The following ADCY2 variants were observed in gnomAD, a reference collection of about 807,000 sequenced individuals.
ADCY2 encodes the protein adenylate cyclase 2.
ADCY2 carries 31 observed loss-of-function variants against 125.2 expected under a neutral mutation model. The ratio of observed to expected loss-of-function variants is 0.25; its 90% CI spans 0.19 to 0.33. The LOEUF (loss-of-function observed/expected upper bound fraction) is 0.33. Among genes scored for constraint, ADCY2 ranks in the 10% least tolerant of loss-of-function variants. ADCY2 has a pLI of 1.00. For missense variants in ADCY2, 904 were observed against 1,418.2 expected, an observed-to-expected ratio of 0.64 and a Z score of 5.82; for synonymous variants, 512 against 548.4, an observed-to-expected ratio of 0.93 and a Z score of 0.93.
chr5:7,648,132 A>G (rs543754458), intron 4 of ADCY2, among the ~76,000 whole-genome samples: 1 of 152,308 alleles, frequency 6.6e-6, no homozygotes, highest in Non-Finnish European at 1.5e-5. Context: ...TTCAAAGAAA[A>G]TTATATGACT....
rs183760061 is a variant in ADCY2 at position 7,742,212 on chromosome 5, T to C, written c.1872-1456T>C. Among the ~76,000 whole-genome samples, 72 of 151,254 alleles carry C rather than the reference T, an allele frequency of 4.8e-4. No individual in the cohort carries two copies. The East Asian group carries it at 0.014, about 29-fold the overall frequency. On this transcript the variant is annotated intron_variant, in intron 14 of 24. Coordinates refer to ENST00000338316, the MANE Select transcript of ADCY2 (RefSeq NM_020546.3). ...TCAAAGCTCAGCAGATGAATCACTG[T>C]GGTCCCCTTTAGTCATGAGGATAAT...
chr5:7,507,297 C>T (rs376743135), intron 2 of ADCY2, among the ~76,000 whole-genome samples: 15 of 143,426 alleles, frequency 1.0e-4, no homozygotes, highest in African/African-American at 3.9e-4. Flanking sequence ...AAAAATTAGC[C>T]GGGCGTAGTG....
intron 1 of ADCY2, among the ~76,000 whole-genome samples, chr5:7,398,581 G>A (rs969576725): frequency 6.6e-6 from 1 of 152,206 alleles, no homozygotes; most frequent in Non-Finnish European, 1.5e-5. Context: ...CACCTATGGT[G>A]AGGTCCAGAG....
intron 2 of ADCY2, among the ~76,000 whole-genome samples, chr5:7,478,856 T>G (rs1742613767): frequency 6.6e-6 from 1 of 152,198 alleles, no homozygotes; most frequent in Non-Finnish European, 1.5e-5. Flanking sequence ...TACAGGACAT[T>G]TAGTAACAGT....
At chr5:7,559,985 A>G (rs1735657162) in intron 3 of ADCY2, among the ~76,000 whole-genome samples, 2 of 152,216 alleles carry the variant, frequency 1.3e-5, no homozygotes, top group Admixed American at 1.3e-4. Flanking sequence ...ACTACTGATA[A>G]CAACTAATAA....
rs754711706 is a variant in ADCY2 at position 7,396,497 on chromosome 5, G to C, written c.201G>C (p.Ala67=). Residue 67 remains alanine (A), a synonymous_variant, in exon 1 of 25, where the codon GCG becomes GCC. Transcript: ENST00000338316. The surrounding 1 kb of genome is among the most constrained non-coding windows in gnomAD (Gnocchi z 5.7). ...TCGCCCTGCTCGCCGTCTTCTTCGC[G>C]CTCGGGCTGGTGAGTGGCCTCCCCG... ...SCLALLAVFF[A]LGLEVEDHVA... The C allele has an allele frequency of 1.3e-6, 2 of 1,563,364 alleles. No homozygotes were observed. The highest frequency in any genetic ancestry group is 2.3e-5 in the South Asian group (2 of 87,296).
At chr5:7,566,760 A>G (rs1342920766) in intron 3 of ADCY2, among the ~76,000 whole-genome samples, 2 of 152,140 alleles carry the variant, frequency 1.3e-5, no homozygotes, top group Admixed American at 1.3e-4. Context: ...ACAAACAAAG[A>G]AAAAACAGAA....
At chr5:7,807,398 A>T (rs1248428237) in intron 22 of ADCY2, among the ~76,000 whole-genome samples, 2 of 152,132 alleles carry the variant, frequency 1.3e-5, no homozygotes, top group African/African-American at 2.4e-5. Flanking sequence ...CTTAATGACC[A>T]AAAAAACACT....
chr5:7,430,533 T>C (rs111655197), intron 2 of ADCY2, among the ~76,000 whole-genome samples: 8 of 148,152 alleles, frequency 5.4e-5, no homozygotes, highest in African/African-American at 1.5e-4. Context: ...TATATATATA[T>C]ACTATATATA....
At chr5:7,403,384 AC>A (rs1239458065) in intron 1 of ADCY2, among the ~76,000 whole-genome samples, 2 of 151,652 alleles carry the variant, frequency 1.3e-5, no homozygotes, top group Non-Finnish European at 2.9e-5. Flanking sequence ...CTAATGTCTG[AC>A]TCTTTCCCAT....
chr5:7,816,614 G>A (rs977031914), intron 22 of ADCY2, among the ~76,000 whole-genome samples: 21 of 152,260 alleles, frequency 1.4e-4, no homozygotes, highest in African/African-American at 4.8e-4. Flanking sequence ...GTCAGCCTTA[G>A]CCCGCATGAT....
chr5:7,744,019 A>G (rs1742523810), intron 15 of ADCY2, among the ~76,000 whole-genome samples: 1 of 152,180 alleles, frequency 6.6e-6, no homozygotes. Flanking sequence ...TGGTGTCAAT[A>G]TATTTTTATC....
At chr5:7,668,631 A>G (rs1739834701) in intron 4 of ADCY2, among the ~76,000 whole-genome samples, 1 of 152,238 alleles carries the variant, frequency 6.6e-6, no homozygotes, top group African/African-American at 2.4e-5. Flanking sequence ...AAATATGTTT[A>G]TGTGGGGAAA....
chr5:7,521,019 C>CCCCTTGA, intron 3 of ADCY2, 120 bp downstream of exon 3: 1 of 1,208,218 alleles, frequency 8.3e-7, no homozygotes, highest in Admixed American at 2.0e-5. Flanking sequence ...TCCCTTTCTG[C>CCCCTTGA]CCCTTGAGAC....
At chr5:7,492,112 T>C (rs986927699) in intron 2 of ADCY2, among the ~76,000 whole-genome samples, 2 of 152,098 alleles carry the variant, frequency 1.3e-5, no homozygotes, top group Non-Finnish European at 1.5e-5. Context: ...GACTTGGGTT[T>C]TCAGTAGGAA....
intron 4 of ADCY2, among the ~76,000 whole-genome samples, chr5:7,655,718 T>C (rs572862286): frequency 3.9e-5 from 6 of 152,298 alleles, no homozygotes; most frequent in African/African-American, 1.4e-4. Context: ...CAAGTGGACA[T>C]GTAGAATTAA....
At position 7,696,912 on chromosome 5, in the gene ADCY2, G is replaced by A. The variant is rs569309659; in HGVS notation, c.981+1049G>A. ...AAGGAAGGGGGTGAGTTTTGTGGGTGTTCATTTATAAGAAAAGAAAGGTTT... is the reference window on the plus strand; with the variant it reads ...AAGGAAGGGGGTGAGTTTTGTGGGTATTCATTTATAAGAAAAGAAAGGTTT... On this transcript the variant is annotated intron_variant, in intron 6 of 24. Transcript: ENST00000338316. Among the ~76,000 whole-genome samples, 18 of 152,252 alleles carry A rather than the reference G, an allele frequency of 1.2e-4. 1 individual carries two copies. The South Asian group carries it at 3.7e-3, about 32-fold the overall frequency.
intron 20 of ADCY2, among the ~76,000 whole-genome samples, chr5:7,790,934 T>G (rs1744232121): frequency 6.6e-6 from 1 of 152,120 alleles, no homozygotes; most frequent in South Asian, 2.1e-4. Context: ...CTTCCTCTGC[T>G]TGAGCCGAGG....
At position 7,695,874 on chromosome 5, in the gene ADCY2, T is replaced by C. The variant is rs753816462; in HGVS notation, c.981+11T>C. ...GATCAAATTGCAAAGGTGAGTATTA[T>C]GGATTCTTTTCTTCTCTGAAGATTT... On this transcript the variant is annotated intron_variant, in intron 6 of 24. Coordinates refer to ENST00000338316, the MANE Select transcript of ADCY2 (RefSeq NM_020546.3). The C allele has an allele frequency of 2.2e-5, 35 of 1,568,342 alleles. No homozygotes were observed. The highest frequency in any genetic ancestry group is 3.0e-5 in the Non-Finnish European group (34 of 1,143,806).
Sources: allele counts gnomAD v4.1 joint callset (sites outside exome capture counted in the v4.1 genomes callset), GRCh38; gene constraint gnomAD v4.1.1; non-coding constraint Gnocchi (gnomAD v3.1); transcripts MANE v1.5; gene names NCBI Gene and HGNC (gene_info 2026-07-23, HGNC 2026-07-21).